The following CTBP1 variants were observed in gnomAD, a reference collection of about 807,000 sequenced individuals.
CTBP1 encodes the protein C-terminal binding protein 1.
A neutral mutation model predicts 42.1 loss-of-function variants in CTBP1; 11 were observed. The observed-to-expected ratio is 0.26, with a 90% CI of 0.16 to 0.43. CTBP1 has a LOEUF of 0.43. Among genes scored for constraint, CTBP1 ranks in the 20% least tolerant of loss-of-function variants. CTBP1 has a pLI of 1.00. For synonymous variants in CTBP1, 324 were observed against 277.1 expected, an observed-to-expected ratio of 1.17 and a Z score of -1.68; for missense variants, 399 against 624.3, an observed-to-expected ratio of 0.64 and a Z score of 3.85.
rs1577017708 is a variant in CTBP1 at position 1,215,726 on chromosome 4, G to A, written c.729+265C>T. 3 of 525,324 alleles carry A rather than the reference G, an allele frequency of 5.7e-6. No individual in the cohort carries two copies. In the South Asian group the frequency reaches 6.6e-5, roughly 11 times the overall value. 32.5% of individuals were successfully genotyped at this position (525,324 alleles called of 1,614,324 possible). A position where few individuals can be genotyped will look rare whatever the true frequency, so the allele number is the denominator to read the frequency against. ...CTGTCCCCACTGTGACAACAGCAAG[G>A]GCTTCAGGGGAATTTGGTGTTCAAA... is the stretch of plus-strand genomic sequence containing the variant. On this transcript the variant is annotated intron_variant, in intron 6 of 9. Coordinates refer to ENST00000382952, the MANE Select transcript of CTBP1 (RefSeq NM_001012614.2).
At chr4:1,215,920 G>A (rs1729058639) in intron 6 of CTBP1, 71 bp downstream of exon 6, 3 of 1,489,380 alleles carry the variant, frequency 2.0e-6, no homozygotes, top group Non-Finnish European at 2.7e-6. Flanking sequence ...GCTGCTGGGA[G>A]GGACCTGCCT....
At chr4:1,250,149 C>T (rs1263757701), upstream of CTBP1, 2 of 170,970 alleles carry the variant, frequency 1.2e-5, no homozygotes, top group South Asian at 1.2e-4. Flanking sequence ...AGACTCCTAT[C>T]CGCGAGATAC....
chr4:1,245,377 C>T, intron 1 of CTBP1: 1 of 985,424 alleles, frequency 1.0e-6, no homozygotes, highest in Non-Finnish European at 1.2e-6. Flanking sequence ...CCCAGAACGC[C>T]ACCTTCCTGG....
intron 7 of CTBP1, 92 bp from the exon 8 acceptor site, chr4:1,213,697 G>C (rs1728789252): frequency 6.7e-7 from 1 of 1,488,824 alleles, no homozygotes; most frequent in African/African-American, 1.4e-5. Context: ...CCTGTGGGGG[G>C]CCCTGCCTGG....
chr4:1,221,748 G>A, intron 5 of CTBP1: 1 of 403,542 alleles, frequency 2.5e-6, no homozygotes, highest in African/African-American at 2.1e-5. Flanking sequence ...GGAGAAGGGG[G>A]CCCGAGGGAG....
rs114721898 is a variant in CTBP1, at chr4:1,239,403, G to A, written c.8-1066C>T. Among the ~76,000 whole-genome samples, 662 of 152,260 alleles carry A rather than the reference G, an allele frequency of 4.3e-3. 9 individuals are homozygous for A. The highest frequency in any genetic ancestry group is 0.015 in the African/African-American group (633 of 41,552). On this transcript the variant is annotated intron_variant, in intron 2 of 9. Transcript: ENST00000382952. The stretch of plus-strand genomic sequence containing the variant: ...GACCAAGCAGTACCCAGGACCGTTC[G>A]GCCAGCAGGAGGGGAGGCGCACGAC...
chr4:1,231,868 T>TGGTGCAGGGCTC (rs1236699002), intron 3 of CTBP1, among the ~76,000 whole-genome samples: 1 of 152,174 alleles, frequency 6.6e-6, no homozygotes, highest in African/African-American at 2.4e-5. Context: ...TCAGCACGGC[T>TGGTGCAGGGCTC]GGTGCAGGGC....
chr4:1,240,720 C>T (rs1210053433), intron 2 of CTBP1, among the ~76,000 whole-genome samples: 1 of 152,146 alleles, frequency 6.6e-6, no homozygotes, highest in Middle Eastern at 3.2e-3. Flanking sequence ...CAGGCTCAGG[C>T]ACCCAAGGTG....
chr4:1,232,029 T>C (rs1203672061), intron 3 of CTBP1, among the ~76,000 whole-genome samples: 3 of 152,384 alleles, frequency 2.0e-5, no homozygotes, highest in East Asian at 1.9e-4. Context: ...TTTCTACTGA[T>C]TGGGAGGAGT....
chr4:1,228,904 G>C (rs1730674741), intron 3 of CTBP1, among the ~76,000 whole-genome samples: 1 of 152,240 alleles, frequency 6.6e-6, no homozygotes, highest in African/African-American at 2.4e-5. Flanking sequence ...ACAGGAGCAT[G>C]CACTGCCCCC....
At chr4:1,213,280 A>G (rs918163017) in intron 8 of CTBP1, among the ~76,000 whole-genome samples, 198 bp downstream of exon 8, 4 of 152,046 alleles carry the variant, frequency 2.6e-5, no homozygotes, top group Admixed American at 6.6e-5. Flanking sequence ...ACTTCCCAGC[A>G]GGTCCTGTGT....
intron 8 of CTBP1, 73 bp downstream of exon 8, chr4:1,213,405 G>A: frequency 6.3e-7 from 1 of 1,589,582 alleles, no homozygotes; most frequent in Non-Finnish European, 8.5e-7. Context: ...CTGCCAGGCG[G>A]ATGCGAGCCC....
At chr4:1,242,402 C>T (rs1375445902) in intron 1 of CTBP1, 61 of 985,318 alleles carry the variant, frequency 6.2e-5, no homozygotes, top group East Asian at 1.1e-4. Context: ...GCATGGCAGG[C>T]GTGGGCTGAG....
chr4:1,226,111 C>T (rs1730313888), intron 4 of CTBP1, among the ~76,000 whole-genome samples: 1 of 152,166 alleles, frequency 6.6e-6, no homozygotes, highest in Admixed American at 6.5e-5. Flanking sequence ...TGGAGCCATT[C>T]CTGGAAAGCA....
At chr4:1,229,896 C>G (rs1375198360) in intron 3 of CTBP1, among the ~76,000 whole-genome samples, 2 of 152,230 alleles carry the variant, frequency 1.3e-5, no homozygotes, top group Non-Finnish European at 2.9e-5. Flanking sequence ...ACCAGGGCCA[C>G]AGCAGAGGCT....
At chr4:1,247,768 G>A (rs1031871000) in intron 1 of CTBP1, among the ~76,000 whole-genome samples, 3 of 56,320 alleles carry the variant, frequency 5.3e-5, no homozygotes, top group East Asian at 4.4e-4. Context: ...AGGCCGGGGA[G>A]GGGGGGGGGG....
chr4:1,226,102 G>A (rs993749673), intron 4 of CTBP1, among the ~76,000 whole-genome samples: 5 of 152,078 alleles, frequency 3.3e-5, no homozygotes, highest in Admixed American at 1.3e-4. Context: ...CACTGAAGCT[G>A]GAGCCATTCC....
chr4:1,227,601 T>C (rs1730507038), intron 4 of CTBP1, among the ~76,000 whole-genome samples: 1 of 149,366 alleles, frequency 6.7e-6, no homozygotes, highest in African/African-American at 2.5e-5. Context: ...GCTGAGTGCA[T>C]GTGCACGGGT....
At chr4:1,226,783 A>C (rs990642752) in intron 4 of CTBP1, among the ~76,000 whole-genome samples, 4 of 151,644 alleles carry the variant, frequency 2.6e-5, no homozygotes, top group Admixed American at 6.6e-5. Context: ...CCACAGAGAC[A>C]AAGGCGGGAG....
Sources: allele counts gnomAD v4.1 joint callset (sites outside exome capture counted in the v4.1 genomes callset), GRCh38; gene constraint gnomAD v4.1.1; transcripts MANE v1.5; gene names NCBI Gene and HGNC (gene_info 2026-07-23, HGNC 2026-07-21).